The following AARS1 variants were observed in gnomAD, a reference collection of about 807,000 sequenced individuals.
AARS1 encodes the protein alanine--tRNA ligase, cytoplasmic.
In AARS1, 72 loss-of-function variants were observed where a neutral mutation model predicts 108.9. The observed-to-expected ratio is 0.66, with a 90% CI of 0.55 to 0.80. The LOEUF is 0.80. Ranked by LOEUF, AARS1 falls within the 30% of genes least tolerant of loss-of-function variation. The pLI, the probability that AARS1 is intolerant of heterozygous loss-of-function variation, is 0.00. For missense variants in AARS1, 1,193 were observed against 1,233.2 expected (o/e 0.97, Z 0.49); for synonymous variants, 489 against 465.7 (o/e 1.05, Z -0.64).
At chr16:70,283,941 G>A (rs1160645921) in intron 1 of AARS1, among the ~76,000 whole-genome samples, 2 of 152,172 alleles carry the variant, frequency 1.3e-5, no homozygotes, top group Non-Finnish European at 2.9e-5. Flanking sequence ...GTTGGGCGCG[G>A]TGGCTCACGC....
intron 4 of AARS1, 137 bp from the exon 5 acceptor site, chr16:70,272,109 G>C (rs1960420590): frequency 2.7e-6 from 2 of 753,468 alleles, no homozygotes; most frequent in Non-Finnish European, 4.5e-6. Context: ...CTAGACAACA[G>C]AGCGAGACTC....
chr16:70,254,297 T>C (rs1002928424), intron 17 of AARS1: 4 of 599,022 alleles, frequency 6.7e-6, no homozygotes, highest in Admixed American at 2.9e-5. Context: ...ATAAGCTTCC[T>C]GGCAGCTTGA....
Position 70,270,359 on chromosome 16 carries a change from G to A in AARS1, c.672-19C>T, listed in dbSNP as rs746591739. ...AGCTTCCCTGTATGATCCAGAAGAA[G>A]AGGAGGTTGAAGCAGAGACTCAAGC... is the stretch of plus-strand genomic sequence containing the variant. On this transcript the variant is annotated intron_variant, in intron 5 of 20. Coordinates refer to ENST00000261772, the MANE Select transcript of AARS1 (RefSeq NM_001605.3). The A allele has an allele frequency of 1.9e-6, 3 of 1,614,180 alleles. No homozygotes were observed. Among genetic ancestry groups the A allele is most frequent in the South Asian group, 2.2e-5 (2 of 91,084 alleles).
chr16:70,264,329 T>TC (rs774064253), intron 11 of AARS1, among the ~76,000 whole-genome samples: 21 of 151,662 alleles, frequency 1.4e-4, no homozygotes, highest in Admixed American at 3.9e-4. Flanking sequence ...TTTTTCTTTT[T>TC]CCCCGAGACG....
rs78523270 is a variant in AARS1 at position 70,271,891 on chromosome 16, G to A, written c.561C>T (p.Cys187=). ...EMGDTGPCGP[C]SEIHYDRIGG... ...CAATCCGGTCGTAGTGGATCTCACT[G>A]CAAGGACCACAGGGGCCCGTGTCAC... Residue 187 remains cysteine, a synonymous_variant, in exon 5 of 21, where the codon TGC becomes TGT. Coordinates refer to ENST00000261772, the MANE Select transcript of AARS1 (RefSeq NM_001605.3). 283 of 1,614,068 alleles carry A rather than the reference G, an allele frequency of 1.8e-4. 1 individual carries two copies. The East Asian group carries it at 5.8e-3, about 33-fold the overall frequency.
Position 70,257,973 on chromosome 16 carries a change from C to A in AARS1, c.2177+60G>T, listed in dbSNP as rs1200147783. 4 of 1,594,052 alleles carry A rather than the reference C, an allele frequency of 2.5e-6. No individual in the cohort carries two copies. The African/African-American group carries it at 5.4e-5, about 21-fold the overall frequency. ...GACAAGAGTTGGTCCAGCCTAAGAC[C>A]TACATCCTCAGAGGATGAAGGTAGA... On this transcript the variant is annotated intron_variant, in intron 15 of 20. Coordinates refer to ENST00000261772, the MANE Select transcript of AARS1 (RefSeq NM_001605.3).
At chr16:70,283,218 G>A (rs541383423) in intron 1 of AARS1, among the ~76,000 whole-genome samples, 1 of 152,200 alleles carries the variant, frequency 6.6e-6, no homozygotes, top group East Asian at 1.9e-4. Flanking sequence ...CCAACATGGT[G>A]AAATCCCATC....
intron 1 of AARS1, among the ~76,000 whole-genome samples, chr16:70,285,885 A>G (rs979098040): frequency 6.6e-6 from 1 of 152,246 alleles, no homozygotes; most frequent in African/African-American, 2.4e-5. Flanking sequence ...TGAGGAAAAT[A>G]CAATAGAGAT....
chr16:70,283,298 G>A lies in AARS1; in HGVS notation c.-21-514C>T, dbSNP rs533118774. 2.0e-5 allele frequency among the ~76,000 whole-genome samples: 3 copies of A among 152,112 alleles called. No individual in the cohort carries two copies. In the East Asian group the frequency reaches 5.8e-4, roughly 29 times the overall value. ...TGTAATCCCAGCTACTTGCGAGACT[G>A]AGGCAGGAGAATCGCTTGAACCCAG... On this transcript the variant is annotated intron_variant, in intron 1 of 20. Transcript: ENST00000261772.
At chr16:70,261,988 A>T (rs1960143188) in intron 12 of AARS1, among the ~76,000 whole-genome samples, 1 of 152,084 alleles carries the variant, frequency 6.6e-6, no homozygotes, top group Non-Finnish European at 1.5e-5. Flanking sequence ...AGTATCTAAA[A>T]GCCTCCATAA....
intron 2 of AARS1, 114 bp from the exon 3 acceptor site, chr16:70,277,268 C>T (rs756127387): frequency 4.4e-6 from 5 of 1,126,504 alleles, no homozygotes; most frequent in Non-Finnish European, 6.7e-6. Context: ...GATTAACATG[C>T]CTGGAATATA....
intron 8 of AARS1, 139 bp downstream of exon 8, chr16:70,268,132 C>T (rs1960309613): frequency 3.6e-6 from 3 of 827,910 alleles, no homozygotes; most frequent in South Asian, 3.0e-5. Context: ...CACTCTATTG[C>T]ACTCCAGCGT....
At chr16:70,271,684 G>T in intron 5 of AARS1, 97 bp downstream of exon 5, 3 of 1,259,582 alleles carry the variant, frequency 2.4e-6, no homozygotes, top group East Asian at 2.4e-5. Context: ...GAGAAATAAA[G>T]AAATGAGCTT....
chr16:70,268,562 G>A (rs372406604), intron 7 of AARS1, among the ~76,000 whole-genome samples, 183 bp from the exon 8 acceptor site: 4 of 152,248 alleles, frequency 2.6e-5, no homozygotes, highest in African/African-American at 4.8e-5. Context: ...ACAAATACCC[G>A]TCAAGGCTTC....
chr16:70,274,725 G>A (rs555934101), intron 4 of AARS1, among the ~76,000 whole-genome samples: 13 of 150,812 alleles, frequency 8.6e-5, no homozygotes, highest in African/African-American at 2.9e-4. Context: ...ATTCCATCTC[G>A]GCGGGGGTGG....
At chr16:70,254,764 C>T (rs1959936519) in intron 16 of AARS1, 30 bp from the exon 17 acceptor site, 1 of 1,479,730 alleles carries the variant, frequency 6.8e-7, no homozygotes, top group Admixed American at 1.7e-5. Flanking sequence ...CAACCCCAAG[C>T]AGGAGGTCTG....
intron 2 of AARS1, among the ~76,000 whole-genome samples, chr16:70,279,005 C>T (rs941667663): frequency 6.6e-6 from 1 of 152,082 alleles, no homozygotes; most frequent in African/African-American, 2.4e-5. Flanking sequence ...CACAGAGCAG[C>T]GCCTGGCACA....
chr16:70,282,606 G>A lies in AARS1; in HGVS notation c.144+14C>T, dbSNP rs757604499. ...ATGTGAACCAAAAGCCAAGAAAAAA[G>A]GAAAAACCCTTACCTGGTTCATGCC... On this transcript the variant is annotated intron_variant, in intron 2 of 20. Coordinates refer to ENST00000261772, the MANE Select transcript of AARS1 (RefSeq NM_001605.3). 1.2e-6 allele frequency: 2 copies of A among 1,613,964 alleles called. No homozygotes were observed. The highest frequency in any genetic ancestry group is 2.7e-5 in the African/African-American group (2 of 75,010).
chr16:70,276,938 C>T (rs1440957929), intron 3 of AARS1, 28 bp downstream of exon 3: 2 of 1,613,364 alleles, frequency 1.2e-6, no homozygotes, highest in Non-Finnish European at 1.7e-6. Flanking sequence ...TCCTCAAAAC[C>T]CTAGTGGTTC....
Sources: allele counts gnomAD v4.1 joint callset (sites outside exome capture counted in the v4.1 genomes callset), GRCh38; gene constraint gnomAD v4.1.1; transcripts MANE v1.5; gene names NCBI Gene and HGNC (gene_info 2026-07-23, HGNC 2026-07-21).